Variants in VPS13B observed in about 807,000 individuals in gnomAD.
The protein encoded by VPS13B is vacuolar protein sorting 13 homolog B, also known as intermembrane lipid transfer protein VPS13B.
A neutral mutation model predicts 426.4 loss-of-function variants in VPS13B; 285 were observed. That is an observed-to-expected ratio of 0.67 (90% CI 0.61 to 0.74). The LOEUF (loss-of-function observed/expected upper bound fraction) is 0.74, where lower values mean the gene tolerates loss of function less well. Ranked by LOEUF, VPS13B falls within the 30% of genes least tolerant of loss-of-function variation. The pLI, the probability that VPS13B is intolerant of heterozygous loss-of-function variation, is 0.00. For missense variants in VPS13B, 4,537 were observed against 4,782.6 expected (o/e 0.95, Z 1.51); for synonymous variants, 1,676 against 1,676.4 (o/e 1.00, Z 0.01).
chr8:99,551,527 C>T (rs754978123), intron 30 of VPS13B, among the ~76,000 whole-genome samples: 11 of 151,722 alleles, frequency 7.3e-5, no homozygotes, highest in Non-Finnish European at 1.6e-4. Context: ...TTCTTAGGTG[C>T]TTTCTACTTG....
chr8:99,144,335 T>C (rs910585081), intron 13 of VPS13B, among the ~76,000 whole-genome samples: 4 of 150,410 alleles, frequency 2.7e-5, no homozygotes, highest in Non-Finnish European at 5.9e-5. Context: ...CTACAAAAGA[T>C]TAAAAAAAAA....
chr8:99,028,363 C>T (rs1357119914), intron 2 of VPS13B, among the ~76,000 whole-genome samples: 2 of 149,826 alleles, frequency 1.3e-5, no homozygotes, highest in South Asian at 2.1e-4. Context: ...ACCTCCCTCC[C>T]GGATGGGGCG....
At chr8:99,654,118 G>A (rs1341044288) in intron 34 of VPS13B, among the ~76,000 whole-genome samples, 4 of 151,708 alleles carry the variant, frequency 2.6e-5, no homozygotes, top group South Asian at 2.1e-4. Context: ...GCGCGATCTC[G>A]GCTCACTGCA....
Position 99,274,348 on chromosome 8 carries a change from C to T in VPS13B, c.2650+16C>T, listed in dbSNP as rs1818780485. The stretch of plus-strand genomic sequence containing the variant: ...AAAGCCCCAGGTATGTGCAGCTGGA[C>T]CGTGTAAAACTTTATTGCCTGTATA... On this transcript the variant is annotated intron_variant, in intron 18 of 61. Coordinates refer to ENST00000357162, the MANE Select transcript of VPS13B (RefSeq NM_152564.5). 1 of 1,613,950 alleles carries T rather than the reference C, an allele frequency of 6.2e-7. No homozygotes were observed.
In VPS13B at chr8:99,692,134, C is replaced by T. The variant is rs1363976654; in HGVS notation, c.6047-7391C>T. 3.3e-4 allele frequency among the ~76,000 whole-genome samples: 47 copies of T among 142,360 alleles called. 1 individual carries two copies. The highest frequency in any genetic ancestry group is 9.2e-4 in the Admixed American group (13 of 14,074). 93.4% of individuals were successfully genotyped at this position (142,360 alleles called of 152,430 possible). ...CCACTGTCAACATTAGACAGATCAACGAGACAGAAAGTCAACAAGGATACC... is the reference window on the plus strand; with the variant it reads ...CCACTGTCAACATTAGACAGATCAATGAGACAGAAAGTCAACAAGGATACC... On this transcript the variant is annotated intron_variant, in intron 35 of 61. Coordinates refer to ENST00000357162, the MANE Select transcript of VPS13B (RefSeq NM_152564.5).
rs1434821018 is a variant in VPS13B, at chr8:99,876,816, T to C, written c.*1150T>C. The C allele has an allele frequency of 6.6e-6, 1 of 152,204 alleles. No homozygotes were observed. The highest frequency in any genetic ancestry group is 1.5e-5 in the Non-Finnish European group (1 of 68,038). The allele number at this position is 152,204 out of a possible 1,614,324, so 9.4% of individuals were successfully genotyped here. A position where few individuals can be genotyped will look rare whatever the true frequency, so the allele number is the denominator to read the frequency against. On this transcript the variant is annotated 3_prime_UTR_variant, in exon 62 of 62. Transcript: ENST00000357162. ...GGGCTACAGCTTGTTACCTAGAATT[T>C]TGAGATACTAAGAGAATGCAATTTT...
chr8:99,707,475 C>T (rs1301805035), intron 36 of VPS13B, among the ~76,000 whole-genome samples: 2 of 152,116 alleles, frequency 1.3e-5, no homozygotes, highest in Admixed American at 6.5e-5. Context: ...CTGAAAAATA[C>T]CTTAAAGGTC....
intron 26 of VPS13B, 103 bp from the exon 27 acceptor site, chr8:99,502,733 T>C (rs1005442963): frequency 1.0e-4 from 91 of 895,978 alleles, no homozygotes; most frequent in Non-Finnish European, 1.6e-4. Flanking sequence ...TCAGCGCCTC[T>C]GTACATATCC....
At chr8:99,163,857 G>A (rs1811835971) in intron 15 of VPS13B, among the ~76,000 whole-genome samples, 1 of 152,216 alleles carries the variant, frequency 6.6e-6, no homozygotes, top group Non-Finnish European at 1.5e-5. Context: ...ACAGTGCAGT[G>A]GGGGCTGAAG....
Position 99,531,470 on chromosome 8 carries a change from C to A in VPS13B, c.4745+10460C>A, listed in dbSNP as rs1000380651. 4.6e-5 allele frequency among the ~76,000 whole-genome samples: 7 copies of A among 152,072 alleles called. No homozygotes were observed. The South Asian group carries it at 1.5e-3, about 32-fold the overall frequency. ...AACAGAAGTGTTATGAATCTTTTCT[C>A]TTTTCTCCTAGTAAAATTTAGTTAT... On this transcript the variant is annotated intron_variant, in intron 30 of 61. Transcript: ENST00000357162.
At chr8:99,589,056 CAT>C (rs1826457319) in intron 33 of VPS13B, among the ~76,000 whole-genome samples, 1 of 151,674 alleles carries the variant, frequency 6.6e-6, no homozygotes, top group Admixed American at 6.6e-5. Flanking sequence ...TGGAGATAAT[CAT>C]GTGGTTTTTG....
chr8:99,505,327 G>T (rs1278277271), intron 27 of VPS13B, among the ~76,000 whole-genome samples: 1 of 152,100 alleles, frequency 6.6e-6, no homozygotes, highest in African/African-American at 2.4e-5. Context: ...GCCTATCTCA[G>T]CTTTTGATAT....
chr8:99,654,965 T>C (rs1203240486), intron 34 of VPS13B, among the ~76,000 whole-genome samples: 1 of 152,152 alleles, frequency 6.6e-6, no homozygotes, highest in African/African-American at 2.4e-5. Context: ...AACTCCTCTT[T>C]AGGTGTTTCC....
chr8:99,085,864 T>C (rs1845753202), intron 3 of VPS13B, among the ~76,000 whole-genome samples: 1 of 152,242 alleles, frequency 6.6e-6, no homozygotes, highest in Admixed American at 6.5e-5. Context: ...GACCTTTCTT[T>C]CTGGCTGCCC....
chr8:99,147,760 GGA>G, intron 13 of VPS13B, 79 bp from the exon 14 acceptor site: 4 of 935,440 alleles, frequency 4.3e-6, no homozygotes, highest in Non-Finnish European at 5.8e-6. Context: ...CTTATAGTTT[GGA>G]GAACTAATTC....
intron 35 of VPS13B, among the ~76,000 whole-genome samples, chr8:99,668,933 A>G (rs557428504): frequency 3.1e-4 from 47 of 152,274 alleles, no homozygotes; most frequent in African/African-American, 1.1e-3. Flanking sequence ...CTCAGCTGAC[A>G]TGAGCTCTAT....
intron 40 of VPS13B, among the ~76,000 whole-genome samples, chr8:99,776,384 C>A (rs1164336867): frequency 1.3e-5 from 2 of 152,132 alleles, no homozygotes; most frequent in Admixed American, 6.5e-5. Context: ...TGCACGACAG[C>A]CTTGACCTGC....
At position 99,507,151 on chromosome 8, in the gene VPS13B, G is replaced by T. The variant is rs1358779906; in HGVS notation, c.4172G>T (p.Trp1391Leu). ...DHYRSRPGEG[W>L]QSGHFEGVFL... is the part of the protein sequence containing the mutation. ...ATGTTTTCCAGGCCAGGGGAAGGTT[G>T]GCAGTCAGGACATTTTGAAGGAGTA... The change falls in exon 28 of 62, where the codon TGG becomes TTG. Residue 1391 changes from tryptophan to leucine, a missense_variant. Transcript: ENST00000357162. 2 of 1,613,856 alleles carry T rather than the reference G, an allele frequency of 1.2e-6. No individual in the cohort carries two copies. The highest frequency in any genetic ancestry group is 1.7e-6 in the Non-Finnish European group (2 of 1,179,928).
intron 43 of VPS13B, among the ~76,000 whole-genome samples, chr8:99,798,892 A>C (rs16897701): frequency 0.032 from 4,917 of 152,316 alleles, 98 homozygotes; most frequent in East Asian, 0.047. Context: ...AAGGTAATGC[A>C]GCTGGCCTAT....
Sources: allele counts gnomAD v4.1 joint callset (sites outside exome capture counted in the v4.1 genomes callset), GRCh38; gene constraint gnomAD v4.1.1; transcripts MANE v1.5; gene names NCBI Gene and HGNC (gene_info 2026-07-23, HGNC 2026-07-21).